VPS13B: variants seen among roughly 807,000 people sequenced by gnomAD.
The protein encoded by VPS13B is intermembrane lipid transfer protein VPS13B.
A neutral mutation model predicts 426.4 loss-of-function variants in VPS13B; 285 were observed. The observed-to-expected ratio is 0.67, with a 90% CI of 0.61 to 0.74. The LOEUF (loss-of-function observed/expected upper bound fraction) is 0.74. VPS13B is among the 30% of genes least tolerant of loss of function. The pLI is 0.00. For synonymous variants in VPS13B, 1,676 were observed against 1,676.4 expected, an observed-to-expected ratio of 1.00 and a Z score of 0.01; for missense variants, 4,537 against 4,782.6, an observed-to-expected ratio of 0.95 and a Z score of 1.51.
intron 19 of VPS13B, among the ~76,000 whole-genome samples, chr8:99,321,498 G>A (rs987068219): frequency 3.3e-5 from 5 of 152,048 alleles, no homozygotes; most frequent in African/African-American, 7.2e-5. Context: ...ATGAGCCGTC[G>A]TGCCTGGCCT....
chr8:99,278,043 G>A (rs1230450631), intron 19 of VPS13B, among the ~76,000 whole-genome samples: 2 of 152,146 alleles, frequency 1.3e-5, no homozygotes, highest in Non-Finnish European at 2.9e-5. Flanking sequence ...GGAATCATGA[G>A]TGGTCTCTGC....
At position 99,717,212 on chromosome 8, in the gene VPS13B, T is replaced by A. The variant is rs1375713359; in HGVS notation, c.6496T>A (p.Phe2166Ile). ...ATCATTTCTACTCAGTATAAACGATTTTCTCCTTAAAACAAGTCTCAAAGA... is the reference window on the plus strand; with the variant it reads ...ATCATTTCTACTCAGTATAAACGATATTCTCCTTAAAACAAGTCTCAAAGA... ...GSSFLLSINDFLLKTSLKERS... is the reference protein window; with the variant it reads ...GSSFLLSINDILLKTSLKERS... Residue 2166 changes from phenylalanine to isoleucine, a missense_variant, in exon 37 of 62, where the codon TTT (phenylalanine) becomes ATT (isoleucine). Transcript: ENST00000357162. The A allele has an allele frequency of 6.2e-7, 1 of 1,614,020 alleles. No individual in the cohort carries two copies. Among genetic ancestry groups the A allele is most frequent in the East Asian group, 2.2e-5 (1 of 44,870 alleles).
intron 33 of VPS13B, among the ~76,000 whole-genome samples, chr8:99,606,353 A>T (rs1827573898): frequency 6.6e-6 from 1 of 152,100 alleles, no homozygotes; most frequent in Non-Finnish European, 1.5e-5. Context: ...CAGTTCTTTC[A>T]GCAGTCTGAC....
chr8:99,234,045 G>A, intron 17 of VPS13B: 2 of 776,088 alleles, frequency 2.6e-6, no homozygotes, highest in South Asian at 2.8e-5. Context: ...AACTGGGTTG[G>A]ATCCGCAGCG....
chr8:99,254,151 A>C (rs1416837251), intron 17 of VPS13B, among the ~76,000 whole-genome samples: 2 of 152,156 alleles, frequency 1.3e-5, no homozygotes, highest in Non-Finnish European at 2.9e-5. Flanking sequence ...CTCTCCTGAT[A>C]TCCCAAAAAT....
intron 39 of VPS13B, among the ~76,000 whole-genome samples, chr8:99,737,520 T>C (rs535744796): frequency 2.0e-5 from 3 of 152,324 alleles, no homozygotes; most frequent in South Asian, 4.1e-4. Flanking sequence ...AATTCTATAT[T>C]TTGCTCTACT....
intron 21 of VPS13B, among the ~76,000 whole-genome samples, chr8:99,412,234 C>T (rs1280354359): frequency 6.6e-6 from 1 of 152,130 alleles, no homozygotes; most frequent in East Asian, 1.9e-4. Flanking sequence ...TATGTGTCCT[C>T]TCTTATTTCG....
At chr8:99,658,449 C>T (rs1210685567) in intron 34 of VPS13B, among the ~76,000 whole-genome samples, 1 of 151,988 alleles carries the variant, frequency 6.6e-6, no homozygotes, top group East Asian at 1.9e-4. Context: ...CTTTTTTTCC[C>T]CTGTTAACAA....
chr8:99,207,330 C>G (rs1223702433), intron 17 of VPS13B, among the ~76,000 whole-genome samples: 2 of 152,032 alleles, frequency 1.3e-5, no homozygotes, highest in Non-Finnish European at 1.5e-5. Context: ...TAATGCAACA[C>G]TAGGAATAAA....
chr8:99,374,426 C>T (rs72672391), intron 19 of VPS13B, among the ~76,000 whole-genome samples: 1,585 of 152,074 alleles, frequency 0.01, 13 homozygotes, highest in Non-Finnish European at 0.018. Flanking sequence ...ATATTATCTA[C>T]CCTTTTTAAT....
intron 35 of VPS13B, chr8:99,696,513 G>T (rs760084475): frequency 4.5e-6 from 2 of 443,008 alleles, no homozygotes; most frequent in Non-Finnish European, 8.6e-6. Flanking sequence ...GTTCGTGGTT[G>T]TCCAGTTCAT....
intron 20 of VPS13B, among the ~76,000 whole-genome samples, chr8:99,387,649 C>T (rs775937082): frequency 6.6e-6 from 1 of 152,050 alleles, no homozygotes; most frequent in Non-Finnish European, 1.5e-5. Context: ...TGCCCCACCC[C>T]ACCATGGAAA....
intron 35 of VPS13B, chr8:99,697,483 G>C: frequency 1.4e-6 from 1 of 739,932 alleles, no homozygotes; most frequent in Non-Finnish European, 2.5e-6. Flanking sequence ...CCTGCTCTAA[G>C]CTGAAGGAGC....
chr8:99,223,733 C>T (rs1457032071), intron 17 of VPS13B, among the ~76,000 whole-genome samples: 5 of 151,880 alleles, frequency 3.3e-5, no homozygotes, highest in Non-Finnish European at 5.9e-5. Context: ...CTACAAAGAA[C>T]GTATTTTCAT....
At chr8:99,569,800 A>G (rs887938262) in intron 31 of VPS13B, among the ~76,000 whole-genome samples, 2 of 152,120 alleles carry the variant, frequency 1.3e-5, no homozygotes, top group Admixed American at 6.5e-5. Flanking sequence ...TTTGTTTACA[A>G]TCTATACCTC....
At chr8:99,566,198 C>A (rs983824583) in intron 31 of VPS13B, among the ~76,000 whole-genome samples, 2 of 152,070 alleles carry the variant, frequency 1.3e-5, no homozygotes, top group African/African-American at 4.8e-5. Flanking sequence ...CTTGCCTGGT[C>A]TTACTCTTCT....
chr8:99,851,787 T>C (rs1337019912), intron 55 of VPS13B, among the ~76,000 whole-genome samples: 3 of 152,078 alleles, frequency 2.0e-5, no homozygotes, highest in African/African-American at 4.8e-5. Context: ...TCATGGGCCA[T>C]TGAAGGGCTT....
intron 30 of VPS13B, among the ~76,000 whole-genome samples, chr8:99,532,634 T>C (rs1453079829): frequency 6.6e-6 from 1 of 152,028 alleles, no homozygotes. Flanking sequence ...CTCTGTTTCT[T>C]ACTATGAGTC....
chr8:99,855,241 G>A (rs1229912290), intron 56 of VPS13B, among the ~76,000 whole-genome samples: 3 of 152,074 alleles, frequency 2.0e-5, no homozygotes. Context: ...AATTACCCAG[G>A]TGTGGTGTCG....
Sources: gnomAD v4.1 joint callset for allele counts (sites outside exome capture counted in the v4.1 genomes callset) on GRCh38, gnomAD v4.1.1 for gene constraint, MANE v1.5 for transcripts, NCBI Gene and HGNC (gene_info 2026-07-23, HGNC 2026-07-21) for gene names.